Variants in ACSS3 observed in about 807,000 individuals in gnomAD.
ACSS3 encodes the protein acyl-CoA synthetase short-chain family member 3, mitochondrial.
Under a neutral mutation model 84.2 loss-of-function variants are expected in ACSS3, and 64 were observed. That is an observed-to-expected ratio of 0.76 (90% CI 0.62 to 0.94). The LOEUF (loss-of-function observed/expected upper bound fraction) is 0.94, where lower values mean the gene tolerates loss of function less well. ACSS3 is among the 40% of genes least tolerant of loss of function. ACSS3 has a pLI of 0.00. For missense variants in ACSS3, 815 were observed against 867.6 expected, an observed-to-expected ratio of 0.94 and a Z score of 0.76; for synonymous variants, 317 against 310.1, an observed-to-expected ratio of 1.02 and a Z score of -0.23.
chr12:81,130,639 C>T (rs1885431025), intron 2 of ACSS3, among the ~76,000 whole-genome samples: 1 of 152,006 alleles, frequency 6.6e-6, no homozygotes. Flanking sequence ...TAATTAGATC[C>T]CATTTGTCTA....
chr12:81,137,570 G>A (rs553678497), intron 3 of ACSS3, among the ~76,000 whole-genome samples: 2 of 152,224 alleles, frequency 1.3e-5, no homozygotes, highest in South Asian at 2.1e-4. Flanking sequence ...TTTAACAGAA[G>A]AAGATGGAAA....
Position 81,199,333 on chromosome 12 carries a change from A to G in ACSS3, c.1251-8A>G, listed in dbSNP as rs1163439062. 6.2e-7 allele frequency: 1 copy of G among 1,604,044 alleles called. No individual in the cohort carries two copies. Among genetic ancestry groups the G allele is most frequent in the Non-Finnish European group, 8.5e-7 (1 of 1,175,440 alleles). On this transcript the variant is annotated splice_polypyrimidine_tract_variant and splice_region_variant and intron_variant, in intron 8 of 15. Transcript: ENST00000548058. Reference sequence around the variant, plus strand: ...AGGAATAATTTGAATTCACTGTCTCATATTCAGGTTCAAAACATTATTTGT... The same window carrying G: ...AGGAATAATTTGAATTCACTGTCTCGTATTCAGGTTCAAAACATTATTTGT...
intron 7 of ACSS3, among the ~76,000 whole-genome samples, chr12:81,157,535 G>A (rs751644072): frequency 5.3e-5 from 8 of 152,176 alleles, no homozygotes; most frequent in Non-Finnish European, 8.8e-5. Flanking sequence ...GAAGCTGGGC[G>A]CGGTGGCTCA....
At chr12:81,140,685 T>A (rs1449866505) in intron 4 of ACSS3, among the ~76,000 whole-genome samples, 2 of 152,190 alleles carry the variant, frequency 1.3e-5, no homozygotes, top group Non-Finnish European at 2.9e-5. Context: ...AGCACTTTTT[T>A]TAAAAAAGCT....
chr12:81,082,572 G>T (rs969065991), intron 1 of ACSS3, among the ~76,000 whole-genome samples: 1 of 152,106 alleles, frequency 6.6e-6, no homozygotes, highest in Admixed American at 6.5e-5. Context: ...ACTTAAAGAA[G>T]GTTTACTCGG....
chr12:81,081,928 G>A (rs1881004080), intron 1 of ACSS3, among the ~76,000 whole-genome samples: 1 of 152,138 alleles, frequency 6.6e-6, no homozygotes, highest in Non-Finnish European at 1.5e-5. Context: ...ATCCTGCCAA[G>A]TCTTAAAATG....
intron 2 of ACSS3, among the ~76,000 whole-genome samples, chr12:81,130,540 T>G (rs996412562): frequency 6.6e-6 from 1 of 152,214 alleles, no homozygotes; most frequent in African/African-American, 2.4e-5. Context: ...CTTTGCCAGA[T>G]GGATAGATTG....
chr12:81,247,812 C>T (rs2136007309), intron 13 of ACSS3, among the ~76,000 whole-genome samples: 1 of 152,012 alleles, frequency 6.6e-6, no homozygotes, highest in South Asian at 2.1e-4. Flanking sequence ...ATTAAAGTGC[C>T]CAAACCTTAC....
rs566270568 is a variant in ACSS3 at position 81,107,511 on chromosome 12, C to CATATAT, written c.312-2005_312-2000dup. ...TTTTTTTTTCAGGTACAAATATATA[C>CATATAT]ATATATATATATATATATATATATA... On this transcript the variant is annotated intron_variant, in intron 1 of 15. Transcript: ENST00000548058. Among the ~76,000 whole-genome samples the CATATAT allele has an allele frequency of 2.7e-3, 103 of 38,794 alleles. 3 individuals are homozygous for CATATAT. Among genetic ancestry groups the CATATAT allele is most frequent in the Non-Finnish European group, 3.6e-3 (73 of 20,366 alleles). The allele number at this position is 38,794 out of a possible 152,430, so 25.5% of individuals were successfully genotyped here. A position where few individuals can be genotyped will look rare whatever the true frequency, so the allele number is the denominator to read the frequency against.
intron 13 of ACSS3, among the ~76,000 whole-genome samples, chr12:81,241,268 C>T (rs1363753622): frequency 6.6e-6 from 1 of 152,080 alleles, no homozygotes; most frequent in Non-Finnish European, 1.5e-5. Flanking sequence ...CAAGTCTTTG[C>T]TATTGTGAAT....
chr12:81,225,890 C>T (rs750857374), intron 11 of ACSS3, among the ~76,000 whole-genome samples: 1 of 151,798 alleles, frequency 6.6e-6, no homozygotes, highest in Non-Finnish European at 1.5e-5. Flanking sequence ...TTGAATAATT[C>T]CTCTGGTGTT....
intron 3 of ACSS3, among the ~76,000 whole-genome samples, chr12:81,136,363 G>T (rs146746420): frequency 4.7e-4 from 72 of 152,228 alleles, no homozygotes; most frequent in African/African-American, 1.7e-3. Flanking sequence ...TAGCACAAAA[G>T]CATCCTTAGA....
chr12:81,225,725 G>C (rs1393208178), intron 11 of ACSS3, among the ~76,000 whole-genome samples: 1 of 151,848 alleles, frequency 6.6e-6, no homozygotes, highest in Non-Finnish European at 1.5e-5. Context: ...AAAGTGCTAG[G>C]ATCTCCACGT....
chr12:81,214,275 C>T (rs2135937694), intron 9 of ACSS3, among the ~76,000 whole-genome samples: 1 of 152,134 alleles, frequency 6.6e-6, no homozygotes, highest in Admixed American at 6.5e-5. Flanking sequence ...ATCCACCAGC[C>T]TCGGCCTCCG....
At chr12:81,139,659 CAG>C (rs1885991528) in intron 4 of ACSS3, among the ~76,000 whole-genome samples, 1 of 145,356 alleles carries the variant, frequency 6.9e-6, no homozygotes. Context: ...TTTTTTGAGA[CAG>C]AGTCTCACTC....
intron 1 of ACSS3, among the ~76,000 whole-genome samples, chr12:81,093,441 C>T (rs939967435): frequency 3.4e-5 from 5 of 148,760 alleles, no homozygotes; most frequent in East Asian, 4.0e-4. Context: ...GATGACAGAG[C>T]GACACTCTGT....
chr12:81,090,898 C>T, intron 1 of ACSS3, among the ~76,000 whole-genome samples: 1 of 152,010 alleles, frequency 6.6e-6, no homozygotes, highest in Non-Finnish European at 1.5e-5. Context: ...GCTCAAATCC[C>T]TTATATAAAA....
intron 7 of ACSS3, among the ~76,000 whole-genome samples, chr12:81,155,489 C>T (rs138186588): frequency 6.6e-6 from 1 of 152,180 alleles, no homozygotes; most frequent in Non-Finnish European, 1.5e-5. Context: ...ATCTCCACCC[C>T]ACCCTGCAAA....
At chr12:81,150,411 G>A (rs1389240225) in intron 5 of ACSS3, among the ~76,000 whole-genome samples, 1 of 152,118 alleles carries the variant, frequency 6.6e-6, no homozygotes, top group African/African-American at 2.4e-5. Flanking sequence ...TCAATCTGTT[G>A]AGCCATAGGA....
Sources: gnomAD v4.1 joint callset for allele counts (sites outside exome capture counted in the v4.1 genomes callset) on GRCh38, gnomAD v4.1.1 for gene constraint, MANE v1.5 for transcripts, NCBI Gene and HGNC (gene_info 2026-07-23, HGNC 2026-07-21) for gene names.